Variants in PRKAR2A observed in about 807,000 individuals in gnomAD.
The protein encoded by PRKAR2A is cAMP-dependent protein kinase type II-alpha regulatory subunit.
PRKAR2A carries 29 observed loss-of-function variants against 51.9 expected under a neutral mutation model. That is an observed-to-expected ratio of 0.56 (90% CI 0.42 to 0.76). The LOEUF is 0.76. PRKAR2A is among the 30% of genes least tolerant of loss of function. PRKAR2A has a pLI of 0.00. For missense variants in PRKAR2A, 445 were observed against 512.1 expected, an observed-to-expected ratio of 0.87 and a Z score of 1.26; for synonymous variants, 178 against 186.2, an observed-to-expected ratio of 0.96 and a Z score of 0.36.
At chr3:48,831,033 C>T (rs1325483976) in intron 1 of PRKAR2A, among the ~76,000 whole-genome samples, 1 of 152,146 alleles carries the variant, frequency 6.6e-6, no homozygotes, top group Non-Finnish European at 1.5e-5. Context: ...TGCTGTGCGG[C>T]CCAGTTCCTA....
chr3:48,836,784 G>A (rs1331186030), intron 1 of PRKAR2A, among the ~76,000 whole-genome samples: 1 of 150,438 alleles, frequency 6.6e-6, no homozygotes, highest in Non-Finnish European at 1.5e-5. Context: ...TATGACCAAC[G>A]CTGGCAACAT....
Position 48,746,598 on chromosome 3 carries a change from C to T in PRKAR2A, c.*4987G>A, listed in dbSNP as rs1008195393. 6.6e-6 allele frequency: 1 copy of T among 152,068 alleles called. No homozygotes were observed. The highest frequency in any genetic ancestry group is 1.5e-5 in the Non-Finnish European group (1 of 68,014). 9.4% of individuals were successfully genotyped at this position (152,068 alleles called of 1,614,324 possible). On this transcript the variant is annotated 3_prime_UTR_variant, in exon 11 of 11. Coordinates refer to ENST00000265563, the MANE Select transcript of PRKAR2A (RefSeq NM_004157.4). ...AGAAAGTCAGACATGATTTGTCAGC[C>T]TTTATTAATCAAGAGTAAAGCCGAG... is the stretch of plus-strand genomic sequence containing the variant.
intron 4 of PRKAR2A, among the ~76,000 whole-genome samples, chr3:48,783,921 T>C (rs2082247787): frequency 6.6e-6 from 1 of 152,124 alleles, no homozygotes; most frequent in Admixed American, 6.6e-5. Flanking sequence ...ATAACAAAGA[T>C]TCCAGGTCAT....
At chr3:48,843,645 T>C (rs1317209560) in intron 1 of PRKAR2A, among the ~76,000 whole-genome samples, 5 of 151,992 alleles carry the variant, frequency 3.3e-5, no homozygotes, top group Non-Finnish European at 5.9e-5. Context: ...GAGATATAGA[T>C]CAATGGAACA....
intron 2 of PRKAR2A, among the ~76,000 whole-genome samples, chr3:48,806,840 T>C (rs961123958): frequency 7.2e-5 from 11 of 151,996 alleles, no homozygotes; most frequent in African/African-American, 2.4e-4. Context: ...AGCGTGATCT[T>C]GGCTCACTGA....
At chr3:48,805,905 C>A (rs1197400118) in intron 2 of PRKAR2A, among the ~76,000 whole-genome samples, 1 of 152,154 alleles carries the variant, frequency 6.6e-6, no homozygotes, top group Non-Finnish European at 1.5e-5. Flanking sequence ...AAGATTTGAA[C>A]AACAATGGCA....
At chr3:48,792,326 G>C (rs2082403704) in intron 3 of PRKAR2A, among the ~76,000 whole-genome samples, 1 of 151,098 alleles carries the variant, frequency 6.6e-6, no homozygotes, top group South Asian at 2.1e-4. Flanking sequence ...ATTTTCAGTA[G>C]AGATGGGGTT....
In PRKAR2A at chr3:48,751,613, C is replaced by T. The variant is rs377673441; in HGVS notation, c.1187G>A (p.Ser396Asn). Residue 396 changes from serine to asparagine, a missense_variant, in exon 11 of 11, where the codon AGC (serine) becomes AAC (asparagine). Physicochemically the swap from Ser to Asn is conservative, Grantham distance 46. Transcript: ENST00000265563. ...CTGCCCGAGGTTGCCCAGATCCACG[C>T]TGGAGCCAAACATCTTCACCAGCTG... ...EEQLVKMFGS[S>N]VDLGNLGQ 366 of 1,613,400 alleles carry T rather than the reference C, an allele frequency of 2.3e-4. No homozygotes were observed. Among genetic ancestry groups the T allele is most frequent in the Non-Finnish European group, 2.9e-4 (343 of 1,179,674 alleles).
At chr3:48,786,525 C>T (rs536939960) in intron 4 of PRKAR2A, among the ~76,000 whole-genome samples, 4 of 149,612 alleles carry the variant, frequency 2.7e-5, no homozygotes, top group Non-Finnish European at 4.4e-5. Flanking sequence ...GGGCCGGGCG[C>T]GGTGGCTCAT....
chr3:48,793,562 C>A (rs962620974), intron 3 of PRKAR2A, among the ~76,000 whole-genome samples: 20 of 152,136 alleles, frequency 1.3e-4, no homozygotes, highest in African/African-American at 4.8e-4. Context: ...TGTGAGCCAC[C>A]ATGCCCAGCA....
At position 48,767,310 on chromosome 3, in the gene PRKAR2A, C is replaced by G. The variant is rs538118608; in HGVS notation, c.697-1961G>C. 4.2e-4 allele frequency among the ~76,000 whole-genome samples: 63 copies of G among 151,510 alleles called. 1 individual carries two copies. Among genetic ancestry groups the G allele is most frequent in the Middle Eastern group, 6.9e-3 (2 of 290 alleles). ...CCTGGCCAATATGGTGAAACCACAT[C>G]TCTACTAAAAATACAAAAATTAGCC... On this transcript the variant is annotated intron_variant, in intron 6 of 10. Coordinates refer to ENST00000265563, the MANE Select transcript of PRKAR2A (RefSeq NM_004157.4).
chr3:48,829,847 G>GTATATATATA (rs1553681026), intron 1 of PRKAR2A, among the ~76,000 whole-genome samples: 4 of 63,754 alleles, frequency 6.3e-5, no homozygotes, highest in African/African-American at 2.6e-4. Flanking sequence ...ATGCGTGTGT[G>GTATATATATA]TATATATATA....
downstream of PRKAR2A, among the ~76,000 whole-genome samples, chr3:48,745,527 G>GTTTTTTTT (rs34668049): frequency 1.4e-4 from 10 of 70,422 alleles, no homozygotes; most frequent in East Asian, 5.8e-4. Context: ...TTTGGATAAG[G>GTTTTTTTT]TTTTTTTTTT....
chr3:48,810,694 A>C (rs1214519551), intron 1 of PRKAR2A, among the ~76,000 whole-genome samples: 2 of 152,224 alleles, frequency 1.3e-5, no homozygotes, highest in African/African-American at 4.8e-5. Flanking sequence ...GCTGACAGTA[A>C]ATACATATAT....
chr3:48,799,620 T>C (rs1019010901), intron 2 of PRKAR2A, among the ~76,000 whole-genome samples: 3 of 152,188 alleles, frequency 2.0e-5, no homozygotes, highest in African/African-American at 7.2e-5. Flanking sequence ...AGTAAGCACA[T>C]AAGCCTTAAA....
At chr3:48,814,729 T>C (rs999049310) in intron 1 of PRKAR2A, among the ~76,000 whole-genome samples, 2 of 152,182 alleles carry the variant, frequency 1.3e-5, no homozygotes, top group Non-Finnish European at 2.9e-5. Context: ...CAGAGTTTAT[T>C]CAGCCTTGAA....
intron 6 of PRKAR2A, among the ~76,000 whole-genome samples, chr3:48,770,770 C>A (rs2082018425): frequency 6.6e-6 from 1 of 152,140 alleles, no homozygotes; most frequent in African/African-American, 2.4e-5. Flanking sequence ...GGAGCTTGTG[C>A]CATCATTCTG....
Position 48,847,411 on chromosome 3 carries a change from G to T in PRKAR2A, c.186C>A (p.Pro62=). The T allele has an allele frequency of 6.2e-7, 1 of 1,603,374 alleles. No individual in the cohort carries two copies. Among genetic ancestry groups the T allele is most frequent in the Non-Finnish European group, 8.5e-7 (1 of 1,175,138 alleles). ...AATPRQSLGH[P]PPEPGPDRVA... The stretch of plus-strand genomic sequence containing the variant: ...CACGGTCCGGGCCGGGTTCTGGCGG[G>T]GGGTGGCCCAGGCTCTGGCGTGGGG... Residue 62 remains proline, a synonymous_variant, in exon 1 of 11, where the codon CCC becomes CCA. Coordinates refer to ENST00000265563, the MANE Select transcript of PRKAR2A (RefSeq NM_004157.4). The surrounding 1 kb of genome is among the most constrained non-coding windows in gnomAD (Gnocchi z 4.4).
intron 1 of PRKAR2A, among the ~76,000 whole-genome samples, chr3:48,821,197 G>A (rs2082954002): frequency 6.6e-6 from 1 of 152,102 alleles, no homozygotes; most frequent in African/African-American, 2.4e-5. Flanking sequence ...GGGGATTGTG[G>A]GTCAAGTCAG....
Sources: allele counts gnomAD v4.1 joint callset (sites outside exome capture counted in the v4.1 genomes callset), GRCh38; gene constraint gnomAD v4.1.1; non-coding constraint Gnocchi (gnomAD v3.1); transcripts MANE v1.5; gene names NCBI Gene and HGNC (gene_info 2026-07-23, HGNC 2026-07-21).